Variants in INVS observed in about 807,000 individuals in gnomAD.
INVS encodes the protein inversion of embryo turning homolog.
Under a neutral mutation model 108.8 loss-of-function variants are expected in INVS, and 86 were observed. That is an observed-to-expected ratio of 0.79 (90% CI 0.66 to 0.95). The LOEUF is 0.95. Ranked by LOEUF, INVS falls within the 40% of genes least tolerant of loss-of-function variation. The pLI is 0.00. For synonymous variants in INVS, 455 were observed against 473.5 expected, an observed-to-expected ratio of 0.96 and a Z score of 0.51; for missense variants, 1,169 against 1,297.4, an observed-to-expected ratio of 0.90 and a Z score of 1.52.
intron 5 of INVS, among the ~76,000 whole-genome samples, chr9:100,230,670 C>T (rs1352978172): frequency 1.3e-5 from 2 of 152,136 alleles, no homozygotes; most frequent in African/African-American, 4.8e-5. Context: ...AGGCGTGCGC[C>T]ACCGTGCCTG....
intron 3 of INVS, among the ~76,000 whole-genome samples, chr9:100,194,451 A>AT (rs1371775890): frequency 2.6e-5 from 4 of 151,708 alleles, no homozygotes; most frequent in African/African-American, 7.3e-5. Context: ...CGTTTCATAG[A>AT]TTTTTTAGTC....
intron 3 of INVS, chr9:100,175,819 C>A: frequency 1.5e-6 from 1 of 671,048 alleles, no homozygotes. Context: ...AGACCTGGTG[C>A]ACCCAATCCT....
chr9:100,201,760 T>G (rs1242052504), intron 3 of INVS, among the ~76,000 whole-genome samples: 2 of 152,252 alleles, frequency 1.3e-5, no homozygotes, highest in African/African-American at 4.8e-5. Context: ...AAGCAGGCAT[T>G]ACCTGTTTAT....
intron 3 of INVS, among the ~76,000 whole-genome samples, chr9:100,189,310 C>T (rs1830152398): frequency 6.6e-6 from 1 of 150,672 alleles, no homozygotes; most frequent in Admixed American, 6.6e-5. Context: ...TTCTTTACTT[C>T]CTTGAAGTGT....
intron 3 of INVS, among the ~76,000 whole-genome samples, chr9:100,211,818 G>A (rs902860125): frequency 1.3e-5 from 2 of 152,136 alleles, no homozygotes; most frequent in Admixed American, 6.6e-5. Context: ...AGCAAATAAA[G>A]CTCCTATTCT....
At position 100,253,002 on chromosome 9, in the gene INVS, G is replaced by T; in HGVS notation, c.1330G>T (p.Glu444Ter). 6.2e-7 allele frequency: 1 copy of T among 1,613,884 alleles called. No homozygotes were observed. Among genetic ancestry groups the T allele is most frequent in the Non-Finnish European group, 8.5e-7 (1 of 1,179,838 alleles). ...TGCTGATGTTTGCCAGATATTAATAGAAAATAAGATCAATCCAAATGTCCA... is the reference window on the plus strand; with the variant it reads ...TGCTGATGTTTGCCAGATATTAATATAAAATAAGATCAATCCAAATGTCCA... ...GNADVCQILI[E>*]NKINPNVQDY... The change falls in exon 10 of 17, where the codon GAA becomes TAA. Residue 444 changes from glutamate to a stop codon, truncating the protein, a stop_gained. Transcript: ENST00000262457. LOFTEE classifies it high-confidence loss of function.
intron 3 of INVS, among the ~76,000 whole-genome samples, chr9:100,178,731 G>A (rs1340913071): frequency 2.6e-5 from 4 of 152,116 alleles, no homozygotes; most frequent in Non-Finnish European, 4.4e-5. Context: ...GATATTATCC[G>A]GGAGAACTTT....
chr9:100,219,592 C>G (rs1172366903), intron 3 of INVS, among the ~76,000 whole-genome samples: 1 of 152,134 alleles, frequency 6.6e-6, no homozygotes, highest in African/African-American at 2.4e-5. Flanking sequence ...AGAGCAATCT[C>G]AAACCAGAAG....
intron 3 of INVS, among the ~76,000 whole-genome samples, chr9:100,155,829 A>C (rs1828957750): frequency 6.6e-6 from 1 of 152,270 alleles, no homozygotes; most frequent in African/African-American, 2.4e-5. Context: ...GCAAGTGAAT[A>C]TGTCAATTTC....
At chr9:100,221,356 G>A (rs1268700008) in intron 3 of INVS, among the ~76,000 whole-genome samples, 4 of 150,796 alleles carry the variant, frequency 2.7e-5, no homozygotes, top group African/African-American at 4.9e-5. Context: ...AGGCCGGGGT[G>A]CAGGGGCACA....
At chr9:100,206,480 C>T (rs928719537) in intron 3 of INVS, among the ~76,000 whole-genome samples, 18 of 152,042 alleles carry the variant, frequency 1.2e-4, no homozygotes, top group Admixed American at 3.9e-4. Context: ...CATTTTGACA[C>T]GTGTGCTTTA....
chr9:100,145,945 A>G (rs1167871340), intron 3 of INVS, among the ~76,000 whole-genome samples: 1 of 152,226 alleles, frequency 6.6e-6, no homozygotes, highest in East Asian at 1.9e-4. Context: ...GTTGGAGAAG[A>G]GATTAAGAAG....
chr9:100,255,391 T>C (rs1426808165), intron 10 of INVS, among the ~76,000 whole-genome samples: 2 of 152,336 alleles, frequency 1.3e-5, no homozygotes, highest in South Asian at 2.1e-4. Context: ...CTTTTCCTAA[T>C]TGAATACCTT....
In INVS at chr9:100,242,574, T is replaced by G; in HGVS notation, c.801T>G (p.His267Gln). The G allele has an allele frequency of 6.4e-7, 1 of 1,567,992 alleles. No homozygotes were observed. Among genetic ancestry groups the G allele is most frequent in the Non-Finnish European group, 8.8e-7 (1 of 1,138,236 alleles). Residue 267 changes from histidine (H) to glutamine (Q), a missense_variant, in exon 7 of 17, where the codon CAT becomes CAG. By Grantham distance (24) the His-to-Gln change is conservative. Coordinates refer to ENST00000262457, the MANE Select transcript of INVS (RefSeq NM_014425.5). ...TPLHWAALLG[H>Q]AQIVHLLLER... ...CCTTTTTGTGTCTTTTCTCAGGCCATGCACAGATTGTCCATCTCCTTTTAG... is the reference window on the plus strand; with the variant it reads ...CCTTTTTGTGTCTTTTCTCAGGCCAGGCACAGATTGTCCATCTCCTTTTAG...
chr9:100,186,360 C>T (rs1174390050), intron 3 of INVS, among the ~76,000 whole-genome samples: 1 of 151,990 alleles, frequency 6.6e-6, no homozygotes, highest in Non-Finnish European at 1.5e-5. Context: ...ACCATCTTGG[C>T]CAGGCTGATT....
At chr9:100,169,382 T>C (rs1440035771) in intron 3 of INVS, among the ~76,000 whole-genome samples, 1 of 152,110 alleles carries the variant, frequency 6.6e-6, no homozygotes, top group Non-Finnish European at 1.5e-5. Flanking sequence ...TCATTTGGAG[T>C]ATGAATGGAG....
At chr9:100,147,693 C>T (rs1017657796) in intron 3 of INVS, among the ~76,000 whole-genome samples, 3 of 151,908 alleles carry the variant, frequency 2.0e-5, no homozygotes, top group Non-Finnish European at 2.9e-5. Flanking sequence ...TTGGAAGCAA[C>T]CCAAATGCCC....
chr9:100,205,376 C>G (rs1025685880), intron 3 of INVS, among the ~76,000 whole-genome samples: 1 of 152,080 alleles, frequency 6.6e-6, no homozygotes, highest in African/African-American at 2.4e-5. Flanking sequence ...ATGTCTTCTA[C>G]TTGCAAGGCT....
intron 3 of INVS, among the ~76,000 whole-genome samples, chr9:100,190,456 G>T (rs2118152754): frequency 6.6e-6 from 1 of 152,150 alleles, no homozygotes; most frequent in Admixed American, 6.5e-5. Flanking sequence ...TGTTTTATAG[G>T]CTCTGAGTTT....
Sources: allele counts gnomAD v4.1 joint callset (sites outside exome capture counted in the v4.1 genomes callset), GRCh38; gene constraint gnomAD v4.1.1; transcripts MANE v1.5; gene names NCBI Gene and HGNC (gene_info 2026-07-23, HGNC 2026-07-21).